TANC2: variants seen among roughly 807,000 people sequenced by gnomAD.
TANC2 encodes tetratricopeptide repeat, ankyrin repeat and coiled-coil containing 2.
TANC2 carries 26 observed loss-of-function variants against 210.5 expected under a neutral mutation model. That is an observed-to-expected ratio of 0.12 (90% CI 0.09 to 0.17). The LOEUF is 0.17. Among genes scored for constraint, TANC2 ranks in the 10% least tolerant of loss-of-function variants. The pLI is 1.00. For synonymous variants in TANC2, 931 were observed against 967.1 expected (o/e 0.96, Z 0.69); for missense variants, 2,129 against 2,608.9 (o/e 0.82, Z 4.01).
In TANC2 at chr17:63,385,804, CGAG is replaced by C. The variant is rs1230562905; in HGVS notation, c.2692-2825_2692-2823del. On this transcript the variant is annotated intron_variant, in intron 15 of 27. Transcript: ENST00000689528. ...AATTAGGTAGCCATTTTTAAATAAT[CGAG>C]GAGGATGAAAAGGGAAATAATCTTG... is the stretch of plus-strand genomic sequence containing the variant. 3.3e-5 allele frequency among the ~76,000 whole-genome samples: 5 copies of C among 152,096 alleles called. No individual in the cohort carries two copies. The East Asian group carries it at 5.8e-4, about 18-fold the overall frequency.
At chr17:63,411,461 CTG>C in intron 21 of TANC2, 48 bp from the exon 22 acceptor site, 1 of 1,541,870 alleles carries the variant, frequency 6.5e-7, no homozygotes, top group Non-Finnish European at 8.8e-7. Flanking sequence ...TCCCCTCCTG[CTG>C]TGTGATTCCA....
intron 2 of TANC2, among the ~76,000 whole-genome samples, chr17:63,035,073 T>C (rs1350636604): frequency 6.6e-6 from 1 of 152,164 alleles, no homozygotes; most frequent in African/African-American, 2.4e-5. Context: ...GGAAAAGTTA[T>C]TTGATGTGGC....
intron 7 of TANC2, among the ~76,000 whole-genome samples, chr17:63,219,649 G>A (rs1567825522): frequency 6.6e-6 from 1 of 151,994 alleles, no homozygotes. Context: ...GACCTTAGGT[G>A]ATCCACCCAC....
rs542243794 is a variant in TANC2 at position 63,044,765 on chromosome 17, A to T, written c.68-29178A>T. The stretch of plus-strand genomic sequence containing the variant: ...ATGGTCAGATTTCTTCCTTTTTCTC[A>T]GTCTGGTAGGAGAAAGGTAATGTCC... On this transcript the variant is annotated intron_variant, in intron 2 of 27. Transcript: ENST00000689528. Among the ~76,000 whole-genome samples the T allele has an allele frequency of 2.0e-5, 3 of 152,010 alleles. No homozygotes were observed. The South Asian group carries it at 6.2e-4, about 32-fold the overall frequency.
chr17:63,236,571 G>T (rs535788950), intron 7 of TANC2, among the ~76,000 whole-genome samples: 1 of 152,152 alleles, frequency 6.6e-6, no homozygotes, highest in South Asian at 2.1e-4. Flanking sequence ...TAGTGGTGAA[G>T]TCTGAGTTTT....
intron 1 of TANC2, among the ~76,000 whole-genome samples, chr17:63,005,668 T>C (rs1332706477): frequency 1.3e-5 from 2 of 152,118 alleles, no homozygotes; most frequent in Admixed American, 1.3e-4. Context: ...TCAGTGTCTT[T>C]TGTTAAGGAT....
intron 14 of TANC2, among the ~76,000 whole-genome samples, chr17:63,373,908 G>C (rs1227427157): frequency 6.6e-6 from 1 of 152,090 alleles, no homozygotes; most frequent in East Asian, 1.9e-4. Context: ...TTGAACCCAG[G>C]AGGCGGAGGT....
chr17:63,222,027 A>G (rs1598638027), intron 7 of TANC2, among the ~76,000 whole-genome samples: 1 of 152,348 alleles, frequency 6.6e-6, no homozygotes, highest in East Asian at 1.9e-4. Context: ...CATAAACTGG[A>G]TAGCTTATAA....
chr17:63,094,369 T>C (rs1215516641), intron 3 of TANC2, among the ~76,000 whole-genome samples: 1 of 152,180 alleles, frequency 6.6e-6, no homozygotes, highest in African/African-American at 2.4e-5. Flanking sequence ...TGTTACATAA[T>C]GCAAAATCGC....
At chr17:63,222,720 A>ACACAC (rs2042226859) in intron 7 of TANC2, among the ~76,000 whole-genome samples, 1 of 148,866 alleles carries the variant, frequency 6.7e-6, no homozygotes, top group African/African-American at 2.5e-5. Context: ...AAACTGATTA[A>ACACAC]ACACACACAC....
intron 3 of TANC2, among the ~76,000 whole-genome samples, chr17:63,083,611 T>A (rs1262585498): frequency 6.6e-6 from 1 of 152,182 alleles, no homozygotes; most frequent in Non-Finnish European, 1.5e-5. Flanking sequence ...GGAAAAAACA[T>A]AGTAAACTCA....
intron 4 of TANC2, among the ~76,000 whole-genome samples, chr17:63,120,337 T>A (rs951649969): frequency 3.3e-5 from 5 of 152,216 alleles, no homozygotes; most frequent in Non-Finnish European, 5.9e-5. Context: ...ATTTGGTGAA[T>A]CTGTATGTAT....
intron 14 of TANC2, among the ~76,000 whole-genome samples, chr17:63,357,417 C>A (rs933141799): frequency 2.0e-5 from 3 of 152,254 alleles, no homozygotes; most frequent in African/African-American, 7.2e-5. Flanking sequence ...AGTTTTGCAG[C>A]AACCGACTGA....
At chr17:63,231,537 T>C (rs761668895) in intron 7 of TANC2, among the ~76,000 whole-genome samples, 2 of 152,236 alleles carry the variant, frequency 1.3e-5, no homozygotes, top group Non-Finnish European at 2.9e-5. Flanking sequence ...TGGCCACATA[T>C]GAACTTCTGG....
chr17:63,103,216 TATC>T (rs2037696321), intron 4 of TANC2, among the ~76,000 whole-genome samples: 1 of 152,210 alleles, frequency 6.6e-6, no homozygotes. Flanking sequence ...ATCCTTTTCC[TATC>T]ATTGTTACTC....
exon 17 of TANC2, chr17:63,389,338 A>T (rs762377844): frequency 5.6e-6 from 9 of 1,612,810 alleles, no homozygotes; most frequent in Non-Finnish European, 7.6e-6. Flanking sequence ...GGGAGGTGCC[A>T]ATATTAATTA....
intron 11 of TANC2, among the ~76,000 whole-genome samples, chr17:63,320,841 T>C (rs137989746): frequency 6.6e-6 from 1 of 152,346 alleles, no homozygotes; most frequent in Non-Finnish European, 1.5e-5. Context: ...TTTTGTATTA[T>C]GTATGATGAT....
chr17:63,042,679 A>G (rs927355443), intron 2 of TANC2, among the ~76,000 whole-genome samples: 1 of 152,136 alleles, frequency 6.6e-6, no homozygotes, highest in Non-Finnish European at 1.5e-5. Context: ...AACTCTTGTT[A>G]GTATTTATTT....
At chr17:63,396,625 A>C (rs1449361056) in intron 18 of TANC2, 1 of 152,200 alleles carries the variant, frequency 6.6e-6, no homozygotes, top group Non-Finnish European at 1.5e-5. Context: ...GTTGCCGTGG[A>C]ATACTACACA....
Sources: allele counts gnomAD v4.1 joint callset (sites outside exome capture counted in the v4.1 genomes callset), GRCh38; gene constraint gnomAD v4.1.1; transcripts MANE v1.5; gene names NCBI Gene and HGNC (gene_info 2026-07-23, HGNC 2026-07-21).